Variants in COL7A1 observed in about 807,000 individuals in gnomAD.
COL7A1 encodes the protein collagen alpha-1(VII) chain.
A neutral mutation model predicts 456.2 loss-of-function variants in COL7A1; 296 were observed. That is an observed-to-expected ratio of 0.65 (90% CI 0.59 to 0.71). The LOEUF is 0.71. Ranked by LOEUF, COL7A1 falls within the 30% of genes least tolerant of loss-of-function variation. COL7A1 has a pLI of 0.00. For missense variants in COL7A1, 3,441 were observed against 4,017.2 expected, an observed-to-expected ratio of 0.86 and a Z score of 3.88; for synonymous variants, 1,464 against 1,525.9, an observed-to-expected ratio of 0.96 and a Z score of 0.95.
At chr3:48,584,798 G>T in intron 34 of COL7A1, 29 bp from the exon 35 acceptor site, 1 of 1,614,028 alleles carries the variant, frequency 6.2e-7, no homozygotes, top group East Asian at 2.2e-5. Flanking sequence ...AGAGGGTGGT[G>T]CTTGGGCTCA....
rs749906612 is a variant in COL7A1 at position 48,573,569 on chromosome 3, G to A, written c.6574-12C>T. ...GGGCCAGCAAGACCCTAGAGAAAAGGGTCAAGGGCAGGGAACAGGGCTCAG... is the reference window on the plus strand; with the variant it reads ...GGGCCAGCAAGACCCTAGAGAAAAGAGTCAAGGGCAGGGAACAGGGCTCAG... On this transcript the variant is annotated splice_polypyrimidine_tract_variant and intron_variant, in intron 82 of 118. Transcript: ENST00000681320. The surrounding 1 kb of genome is among the most constrained non-coding windows in gnomAD (Gnocchi z 5.5). 2 of 1,614,086 alleles carry A rather than the reference G, an allele frequency of 1.2e-6. No individual in the cohort carries two copies. Among genetic ancestry groups the A allele is most frequent in the South Asian group, 2.2e-5 (2 of 91,078 alleles).
chr3:48,580,661 AGCAGC>A lies in COL7A1; in HGVS notation c.4981-14_4981-10del, dbSNP rs2044685876. On this transcript the variant is annotated splice_polypyrimidine_tract_variant and intron_variant, in intron 54 of 118. Transcript: ENST00000681320. The surrounding 1 kb of genome is among the most constrained non-coding windows in gnomAD (Gnocchi z 4.5). Reference sequence around the variant, plus strand: ...CGAACTCCAGGTGCCCCCTAAGAAGAGCAGCTGGCCTGAGACAGACCCTCCCAATA... The same window carrying A: ...CGAACTCCAGGTGCCCCCTAAGAAGATGGCCTGAGACAGACCCTCCCAATA... 1 of 1,613,392 alleles carries A rather than the reference AGCAGC, an allele frequency of 6.2e-7. No homozygotes were observed. Among genetic ancestry groups the A allele is most frequent in the Non-Finnish European group, 8.5e-7 (1 of 1,179,788 alleles).
intron 71 of COL7A1, 124 bp from the exon 72 acceptor site, chr3:48,576,026 A>G: frequency 6.6e-7 from 1 of 1,517,090 alleles, no homozygotes; most frequent in South Asian, 1.1e-5. Flanking sequence ...AGCACCCTTT[A>G]GCACTTGGTT....
rs1269162679 is a variant in COL7A1 at position 48,572,218 on chromosome 3, A to G, written c.6979-47T>C. ...CAACACAGGCATCAGTCACAGAAAGATGAGACTCCGGAGGGAGGCATGGGG... is the reference window on the plus strand; with the variant it reads ...CAACACAGGCATCAGTCACAGAAAGGTGAGACTCCGGAGGGAGGCATGGGG... On this transcript the variant is annotated intron_variant, in intron 90 of 118. Coordinates refer to ENST00000681320, the MANE Select transcript of COL7A1 (RefSeq NM_000094.4). The surrounding 1 kb of genome is among the most constrained non-coding windows in gnomAD (Gnocchi z 4.6). The G allele has an allele frequency of 6.2e-7, 1 of 1,613,708 alleles. No individual in the cohort carries two copies. The highest frequency in any genetic ancestry group is 2.2e-5 in the East Asian group (1 of 44,874).
Position 48,589,724 on chromosome 3 carries a change from G to T in COL7A1, c.2051-6C>A, listed in dbSNP as rs764049130. 6.2e-7 allele frequency: 1 copy of T among 1,614,068 alleles called. No individual in the cohort carries two copies. Among genetic ancestry groups the T allele is most frequent in the East Asian group, 2.2e-5 (1 of 44,886 alleles). ...CCTCACTGGGCCCAGTGGGTCTAGTGGGGAGAGGCAATGGGGAGTCTGCTG... is the reference window on the plus strand; with the variant it reads ...CCTCACTGGGCCCAGTGGGTCTAGTTGGGAGAGGCAATGGGGAGTCTGCTG... On this transcript the variant is annotated splice_polypyrimidine_tract_variant and splice_region_variant and intron_variant, in intron 16 of 118. Coordinates refer to ENST00000681320, the MANE Select transcript of COL7A1 (RefSeq NM_000094.4).
In COL7A1 at chr3:48,590,728, C is replaced by A. The variant is rs1329588820; in HGVS notation, c.1725G>T (p.Val575=). 1 of 1,614,062 alleles carries A rather than the reference C, an allele frequency of 6.2e-7. No individual in the cohort carries two copies. The highest frequency in any genetic ancestry group is 1.1e-5 in the South Asian group (1 of 91,086). ...VQAGLSYTVR[V]SARVGPREGS... ...CCTCACGGGGACCCACTCGAGCAGA[C>A]ACCCGCACAGTGTAGCTAAGCCCAG... is the stretch of plus-strand genomic sequence containing the variant. Residue 575 remains valine (V), a synonymous_variant, in exon 14 of 119, where the codon GTG becomes GTT. Transcript: ENST00000681320. This position sits in a 1 kb window ranked among gnomAD's most constrained non-coding sequence, Gnocchi z 4.6.
At position 48,578,397 on chromosome 3, in the gene COL7A1, G is replaced by T; in HGVS notation, c.5488-32C>A. ...GAACAGATCACTGGTTGGATGTCGG[G>T]GATCGGGTGAGGGTAGTAAGGGGGA... On this transcript the variant is annotated intron_variant, in intron 64 of 118. Coordinates refer to ENST00000681320, the MANE Select transcript of COL7A1 (RefSeq NM_000094.4). The surrounding 1 kb of genome is among the most constrained non-coding windows in gnomAD (Gnocchi z 4.7). 6.2e-7 allele frequency: 1 copy of T among 1,613,562 alleles called. No homozygotes were observed. Among genetic ancestry groups the T allele is most frequent in the South Asian group, 1.1e-5 (1 of 91,054 alleles).
chr3:48,588,988 C>T lies in COL7A1; in HGVS notation c.2322G>A (p.Glu774=), dbSNP rs146407483. The T allele has an allele frequency of 6.2e-7, 1 of 1,613,434 alleles. No homozygotes were observed. Among genetic ancestry groups the T allele is most frequent in the Non-Finnish European group, 8.5e-7 (1 of 1,180,036 alleles). The change falls in exon 19 of 119, where the codon GAG becomes GAA. Residue 774 remains glutamate, a synonymous_variant. Transcript: ENST00000681320. The surrounding 1 kb of genome is among the most constrained non-coding windows in gnomAD (Gnocchi z 4.6). ...GCAGCCTCGACACACGACCCACAGG[C>T]TCAGGGGCTGGGGACAGAGGCAAGG... ...PASVVVRTAP[E]PVGRVSRLQI...
Position 48,574,952 on chromosome 3 carries a change from T to C in COL7A1, c.6280-87A>G. On this transcript the variant is annotated intron_variant, in intron 76 of 118. Transcript: ENST00000681320. This position sits in a 1 kb window ranked among gnomAD's most constrained non-coding sequence, Gnocchi z 5.0. The stretch of plus-strand genomic sequence containing the variant: ...CAGATCTCAGGATCACAGAGGGTTA[T>C]AGGGTCAGAAATTCCAGGGTTATGG... The C allele has an allele frequency of 6.3e-7, 1 of 1,583,942 alleles. No individual in the cohort carries two copies. Among genetic ancestry groups the C allele is most frequent in the East Asian group, 2.2e-5 (1 of 44,508 alleles).
At chr3:48,582,105 T>G (rs535879788) in intron 47 of COL7A1, among the ~76,000 whole-genome samples, 162 bp from the exon 48 acceptor site, 2 of 152,214 alleles carry the variant, frequency 1.3e-5, no homozygotes, top group East Asian at 3.9e-4. Context: ...TTATACAAAA[T>G]GGACTGACAC....
rs1403897267 is a variant in COL7A1, at chr3:48,581,900, A to T, written c.4668+11T>A. 3.1e-6 allele frequency: 5 copies of T among 1,613,976 alleles called. No homozygotes were observed. The highest frequency in any genetic ancestry group is 4.2e-6 in the Non-Finnish European group (5 of 1,180,010). On this transcript the variant is annotated intron_variant, in intron 48 of 118. Coordinates refer to ENST00000681320, the MANE Select transcript of COL7A1 (RefSeq NM_000094.4). This position sits in a 1 kb window ranked among gnomAD's most constrained non-coding sequence, Gnocchi z 5.8. ...CTGTAGAAACCTCCCCTTGCCCCAT[A>T]CCAGGCTTACCTTTTCTCCTTTGGG...
Position 48,581,662 on chromosome 3 carries a change from G to A in COL7A1, c.4723-30C>T. The A allele has an allele frequency of 6.2e-7, 1 of 1,614,168 alleles. No homozygotes were observed. ...GGATGGAAGGATAAGAAGTCAGGAAGACAACCTTCACCAACTGCCCCCTAA... is the reference window on the plus strand; with the variant it reads ...GGATGGAAGGATAAGAAGTCAGGAAAACAACCTTCACCAACTGCCCCCTAA... On this transcript the variant is annotated intron_variant, in intron 49 of 118. Transcript: ENST00000681320. The surrounding 1 kb of genome is among the most constrained non-coding windows in gnomAD (Gnocchi z 5.8).
chr3:48,594,718 G>T lies in COL7A1; in HGVS notation c.86-170C>A, dbSNP rs112310970. 2.6e-5 allele frequency among the ~76,000 whole-genome samples: 4 copies of T among 152,230 alleles called. No homozygotes were observed. The highest frequency in any genetic ancestry group is 9.6e-5 in the African/African-American group (4 of 41,540). On this transcript the variant is annotated intron_variant, in intron 2 of 118. Coordinates refer to ENST00000681320, the MANE Select transcript of COL7A1 (RefSeq NM_000094.4). The surrounding 1 kb of genome is among the most constrained non-coding windows in gnomAD (Gnocchi z 5.5). ...GCCTTGGAGGGAGTTGAGCTCGGTG[G>T]GTCCCAGAGCAGACTCCCGCGGAGG...
In COL7A1 at chr3:48,578,840, G is replaced by T; in HGVS notation, c.5424+79C>A. 3 of 1,462,568 alleles carry T rather than the reference G, an allele frequency of 2.1e-6. No homozygotes were observed. Among genetic ancestry groups the T allele is most frequent in the Admixed American group, 4.0e-5 (2 of 50,258 alleles). The allele number at this position is 1,462,568 out of a possible 1,614,324, so 90.6% of individuals were successfully genotyped here. A position where few individuals can be genotyped will look rare whatever the true frequency, so the allele number is the denominator to read the frequency against. On this transcript the variant is annotated intron_variant, in intron 63 of 118. Transcript: ENST00000681320. The surrounding 1 kb of genome is among the most constrained non-coding windows in gnomAD (Gnocchi z 4.7). ...GAACCGACCCCCCACCAACTCTCTC[G>T]GATGCTGTGACTATGATGATCTGGT...
chr3:48,582,648 C>CA lies in COL7A1; in HGVS notation c.4523dup (p.Pro1509AlafsTer13). 1 of 1,613,442 alleles carries CA rather than the reference C, an allele frequency of 6.2e-7. No homozygotes were observed. The highest frequency in any genetic ancestry group is 8.5e-7 in the Non-Finnish European group (1 of 1,179,996). Reference sequence around the variant, plus strand: ...CTCCAGGACGTCCAGCAACCCCTGGCAGCCCCTGGAGGAGAGGAAGGGAAG... The same window carrying CA: ...CTCCAGGACGTCCAGCAACCCCTGGCAAGCCCCTGGAGGAGAGGAAGGGAAG... On this transcript the variant is annotated frameshift_variant, in exon 45 of 119. Transcript: ENST00000681320. LOFTEE classifies it high-confidence loss of function.
rs1371527013 is a variant in COL7A1 at position 48,583,781 on chromosome 3, C to T, written c.4279-1G>A. 6.2e-7 allele frequency: 1 copy of T among 1,613,774 alleles called. No individual in the cohort carries two copies. On this transcript the variant is annotated splice_acceptor_variant, in intron 39 of 118. Coordinates refer to ENST00000681320, the MANE Select transcript of COL7A1 (RefSeq NM_000094.4). LOFTEE classifies it high-confidence loss of function. This position sits in a 1 kb window ranked among gnomAD's most constrained non-coding sequence, Gnocchi z 5.1. The stretch of plus-strand genomic sequence containing the variant: ...GGGGTCCAGGGCTTCCGGGAAGACC[C>T]TAGGAAGAAGTGAGTAAAAATATGA...
Position 48,574,510 on chromosome 3 carries a change from G to T in COL7A1, c.6434C>A (p.Pro2145Gln). 6.2e-7 allele frequency: 1 copy of T among 1,614,030 alleles called. No homozygotes were observed. The highest frequency in any genetic ancestry group is 8.5e-7 in the Non-Finnish European group (1 of 1,180,006). ...TACCGGGTTGCCGTCCTGACCCCTCGGTCCAGGCTCTCCCCGGTCTCCTTT... is the reference window on the plus strand; with the variant it reads ...TACCGGGTTGCCGTCCTGACCCCTCTGTCCAGGCTCTCCCCGGTCTCCTTT... The part of the protein sequence containing the change: ...GIKGDRGEPG[P>Q]RGQDGNPGLP... Residue 2145 changes from proline (P) to glutamine (Q), a missense_variant, in exon 79 of 119, where the codon CCG becomes CAG. Transcript: ENST00000681320. The surrounding 1 kb of genome is among the most constrained non-coding windows in gnomAD (Gnocchi z 5.0).
chr3:48,581,851 G>C lies in COL7A1; in HGVS notation c.4668+60C>G. On this transcript the variant is annotated intron_variant, in intron 48 of 118. Transcript: ENST00000681320. The surrounding 1 kb of genome is among the most constrained non-coding windows in gnomAD (Gnocchi z 5.8). ...TGTGACCCCCCAAGTCCCATAGATA[G>C]GCCCTATGACCTAGACCTCAACCCT... 6.2e-7 allele frequency: 1 copy of C among 1,613,248 alleles called. No homozygotes were observed. The highest frequency in any genetic ancestry group is 1.3e-5 in the African/African-American group (1 of 75,002).
Position 48,594,451 on chromosome 3 carries a change from G to C in COL7A1, c.183C>G (p.Leu61=). The C allele has an allele frequency of 6.2e-7, 1 of 1,612,284 alleles. No homozygotes were observed. Among genetic ancestry groups the C allele is most frequent in the African/African-American group, 1.3e-5 (1 of 75,016 alleles). The change falls in exon 3 of 119, where the codon CTC becomes CTG. Residue 61 remains leucine, a synonymous_variant. Coordinates refer to ENST00000681320, the MANE Select transcript of COL7A1 (RefSeq NM_000094.4). This position sits in a 1 kb window ranked among gnomAD's most constrained non-coding sequence, Gnocchi z 5.5. ...CAGAGAAAGGCAGCACCAGCCCTTCGAGAAAGCTGCGGACCTCGCGGAAAT... is the reference window on the plus strand; with the variant it reads ...CAGAGAAAGGCAGCACCAGCCCTTCCAGAAAGCTGCGGACCTCGCGGAAAT... ...RSNFREVRSF[L]EGLVLPFSGA... is the part of the protein sequence containing the mutation.
Sources: allele counts gnomAD v4.1 joint callset (sites outside exome capture counted in the v4.1 genomes callset), GRCh38; gene constraint gnomAD v4.1.1; non-coding constraint Gnocchi (gnomAD v3.1); transcripts MANE v1.5; gene names NCBI Gene and HGNC (gene_info 2026-07-23, HGNC 2026-07-21).